EHD4: variants seen among roughly 807,000 people sequenced by gnomAD.
The protein encoded by EHD4 is EH domain-containing protein 4.
Under a neutral mutation model 51.0 loss-of-function variants are expected in EHD4, and 37 were observed. That is an observed-to-expected ratio of 0.73 (90% CI 0.56 to 0.95). The LOEUF is 0.95. Ranked by LOEUF, EHD4 falls within the 40% of genes least tolerant of loss-of-function variation. EHD4 has a pLI of 0.00. For synonymous variants in EHD4, 297 were observed against 317.3 expected (o/e 0.94, Z 0.68); for missense variants, 632 against 733.1 (o/e 0.86, Z 1.59).
chr15:41,964,277 A>G (rs1376916206), intron 1 of EHD4, among the ~76,000 whole-genome samples: 1 of 152,160 alleles, frequency 6.6e-6, no homozygotes, highest in African/African-American at 2.4e-5. Context: ...CAACGTCACT[A>G]GTAAGAAATA....
At chr15:41,909,912 G>C (rs1595530851) in intron 4 of EHD4, 49 bp from the exon 5 acceptor site, 1 of 1,606,672 alleles carries the variant, frequency 6.2e-7, no homozygotes, top group Non-Finnish European at 8.5e-7. Flanking sequence ...AATTGCATCA[G>C]AGAAGGAACA....
intron 1 of EHD4, among the ~76,000 whole-genome samples, chr15:41,970,729 A>G (rs1005927318): frequency 6.6e-6 from 1 of 152,166 alleles, no homozygotes; most frequent in Non-Finnish European, 1.5e-5. Flanking sequence ...ACAGGAGGAA[A>G]TGCCTAGGGT....
At chr15:41,903,770 G>A (rs1488150357) in intron 5 of EHD4, among the ~76,000 whole-genome samples, 1 of 152,018 alleles carries the variant, frequency 6.6e-6, no homozygotes, top group Non-Finnish European at 1.5e-5. Context: ...AGAAATATCA[G>A]CTAAACGGGC....
chr15:41,937,320 T>C (rs1413372420), intron 3 of EHD4, among the ~76,000 whole-genome samples: 1 of 152,204 alleles, frequency 6.6e-6, no homozygotes, highest in African/African-American at 2.4e-5. Flanking sequence ...ACACTCTTTC[T>C]GTTGTCTAGA....
intron 3 of EHD4, among the ~76,000 whole-genome samples, chr15:41,923,827 T>A (rs993932105): frequency 2.0e-5 from 3 of 152,226 alleles, no homozygotes; most frequent in Non-Finnish European, 2.9e-5. Context: ...AACTGAAACA[T>A]GCTTATCTGA....
rs1179614215 is a variant in EHD4 at position 41,967,595 on chromosome 15, A to T, written c.236+4664T>A. Among the ~76,000 whole-genome samples, 3 of 152,230 alleles carry T rather than the reference A, an allele frequency of 2.0e-5. No individual in the cohort carries two copies. The East Asian group carries it at 5.8e-4, about 29-fold the overall frequency. On this transcript the variant is annotated intron_variant, in intron 1 of 5. Transcript: ENST00000220325. ...GCCCCAGTATCTGGATGAGTGTGAG[A>T]ACCACTAAATAGGACCCATAGTTTT...
rs183499476 is a variant in EHD4 at position 41,949,118 on chromosome 15, C to T, written c.413+4646G>A. On this transcript the variant is annotated intron_variant, in intron 2 of 5. Transcript: ENST00000220325. Reference sequence around the variant, plus strand: ...GGCATGGTGGCTCATGCCTGTAATCCCAGCACTTTGGGAGGCCGAGGCAGG... The same window carrying T: ...GGCATGGTGGCTCATGCCTGTAATCTCAGCACTTTGGGAGGCCGAGGCAGG... 3.1e-3 allele frequency among the ~76,000 whole-genome samples: 456 copies of T among 148,170 alleles called. 22 individuals are homozygous for T. The East Asian group carries it at 0.084, about 27-fold the overall frequency.
chr15:41,914,950 T>G (rs1164081892), intron 4 of EHD4, among the ~76,000 whole-genome samples: 4 of 152,066 alleles, frequency 2.6e-5, no homozygotes, highest in African/African-American at 9.7e-5. Context: ...CACGCCCAGC[T>G]AATTTTTGTA....
intron 3 of EHD4, among the ~76,000 whole-genome samples, chr15:41,925,549 G>A (rs2067655511): frequency 6.6e-6 from 1 of 152,166 alleles, no homozygotes; most frequent in Admixed American, 6.6e-5. Context: ...ATCCCACGGT[G>A]CTCAGTATAT....
intron 5 of EHD4, among the ~76,000 whole-genome samples, chr15:41,905,920 T>C (rs1206270307): frequency 6.6e-6 from 1 of 152,248 alleles, no homozygotes; most frequent in Non-Finnish European, 1.5e-5. Context: ...AGTCCTCCCA[T>C]TTCAGACTCC....
At chr15:41,910,769 A>G (rs1050266062) in intron 4 of EHD4, among the ~76,000 whole-genome samples, 13 of 152,220 alleles carry the variant, frequency 8.5e-5, no homozygotes, top group African/African-American at 2.6e-4. Flanking sequence ...GGGTTTCACC[A>G]TGTTGGCCAG....
intron 4 of EHD4, among the ~76,000 whole-genome samples, chr15:41,917,025 C>T (rs2067589215): frequency 6.6e-6 from 1 of 152,180 alleles, no homozygotes; most frequent in African/African-American, 2.4e-5. Flanking sequence ...GTTCAGAGGG[C>T]CCGAGGCTCA....
chr15:41,948,801 G>A (rs2067832401), intron 2 of EHD4, among the ~76,000 whole-genome samples: 1 of 151,922 alleles, frequency 6.6e-6, no homozygotes, highest in African/African-American at 2.4e-5. Context: ...GGCCAAGGCG[G>A]GTAGACTGCT....
intron 4 of EHD4, among the ~76,000 whole-genome samples, chr15:41,917,188 T>G (rs1262730269): frequency 1.3e-5 from 2 of 152,244 alleles, no homozygotes; most frequent in African/African-American, 4.8e-5. Flanking sequence ...TGGCACGATC[T>G]TGGCTCACTG....
intron 1 of EHD4, among the ~76,000 whole-genome samples, chr15:41,969,772 C>T (rs988540584): frequency 3.3e-5 from 5 of 152,196 alleles, no homozygotes. Context: ...CCCATCTCCC[C>T]TCCTTCTCTG....
chr15:41,918,341 T>C (rs2067599829), intron 4 of EHD4, among the ~76,000 whole-genome samples: 1 of 152,210 alleles, frequency 6.6e-6, no homozygotes, highest in Admixed American at 6.5e-5. Context: ...TGTATGTTGC[T>C]TCTGATGATC....
At chr15:41,933,499 G>C (rs904896566) in intron 3 of EHD4, among the ~76,000 whole-genome samples, 1 of 152,182 alleles carries the variant, frequency 6.6e-6, no homozygotes, top group African/African-American at 2.4e-5. Flanking sequence ...ACTCGCCCAG[G>C]TTGCCCAGCT....
At chr15:41,965,885 C>T (rs1006726148) in intron 1 of EHD4, among the ~76,000 whole-genome samples, 15 of 152,004 alleles carry the variant, frequency 9.9e-5, no homozygotes, top group Non-Finnish European at 1.5e-4. Context: ...TGGCCTGCAG[C>T]GCTTCCCTGC....
At chr15:41,960,413 A>G (rs1186216927) in intron 1 of EHD4, among the ~76,000 whole-genome samples, 2 of 152,186 alleles carry the variant, frequency 1.3e-5, no homozygotes, top group Admixed American at 6.5e-5. Context: ...ACAATTTTGC[A>G]TCTTGATTTT....
Sources: gnomAD v4.1 joint callset for allele counts (sites outside exome capture counted in the v4.1 genomes callset) on GRCh38, gnomAD v4.1.1 for gene constraint, MANE v1.5 for transcripts, NCBI Gene and HGNC (gene_info 2026-07-23, HGNC 2026-07-21) for gene names.